The following TLE4 variants were observed in gnomAD, a reference collection of about 807,000 sequenced individuals.
TLE4 encodes TLE family member 4, transcriptional corepressor, also known as transducin-like enhancer protein 4.
A neutral mutation model predicts 92.8 loss-of-function variants in TLE4; 8 were observed. The ratio of observed to expected loss-of-function variants is 0.09; its 90% CI spans 0.05 to 0.16. The LOEUF is 0.16. TLE4 is among the 10% of genes least tolerant of loss of function. The pLI is 1.00. For missense variants in TLE4, 675 were observed against 997.6 expected, an observed-to-expected ratio of 0.68 and a Z score of 4.36; for synonymous variants, 371 against 374.1, an observed-to-expected ratio of 0.99 and a Z score of 0.10.
At chr9:79,622,235 C>T (rs1210683781) in intron 5 of TLE4, among the ~76,000 whole-genome samples, 1 of 152,084 alleles carries the variant, frequency 6.6e-6, no homozygotes, top group Non-Finnish European at 1.5e-5. Flanking sequence ...TTTGTGTGCA[C>T]ACCCTTTCCA....
At chr9:79,599,917 A>G (rs976997250) in intron 4 of TLE4, among the ~76,000 whole-genome samples, 2 of 152,102 alleles carry the variant, frequency 1.3e-5, no homozygotes, top group Admixed American at 6.5e-5. Context: ...TCCTCTTTAT[A>G]TACTTGTATG....
At chr9:79,716,333 C>G (rs542975660) in intron 14 of TLE4, among the ~76,000 whole-genome samples, 2 of 152,334 alleles carry the variant, frequency 1.3e-5, no homozygotes, top group Admixed American at 6.5e-5. Context: ...TTCAGCTCTC[C>G]GCGCATATGC....
In TLE4 at chr9:79,627,718, C is replaced by A. The variant is rs1431402361; in HGVS notation, c.390+270C>A. On this transcript the variant is annotated intron_variant, in intron 6 of 19. Coordinates refer to ENST00000376552, the MANE Select transcript of TLE4 (RefSeq NM_007005.6). ...TTTTCATATTTCTTTGCTTTGCAAT[C>A]AGCTTGTGTTGCTAACCTAGGCCAA... 25 of 404,066 alleles carry A rather than the reference C, an allele frequency of 6.2e-5. No individual in the cohort carries two copies. In the East Asian group the frequency reaches 1.2e-3, roughly 19 times the overall value. 25.0% of individuals were successfully genotyped at this position (404,066 alleles called of 1,614,324 possible).
At chr9:79,586,915 G>GT (rs2041250072) in intron 4 of TLE4, among the ~76,000 whole-genome samples, 1 of 152,084 alleles carries the variant, frequency 6.6e-6, no homozygotes, top group Non-Finnish European at 1.5e-5. Flanking sequence ...TCGGGTAAAT[G>GT]GACTACCCAT....
At chr9:79,666,391 G>A (rs922380384) in intron 8 of TLE4, among the ~76,000 whole-genome samples, 7 of 151,808 alleles carry the variant, frequency 4.6e-5, no homozygotes, top group African/African-American at 1.7e-4. Flanking sequence ...CCACACACCT[G>A]GATAATTTTT....
At chr9:79,625,790 T>G (rs2052465414) in intron 5 of TLE4, among the ~76,000 whole-genome samples, 1 of 151,814 alleles carries the variant, frequency 6.6e-6, no homozygotes, top group Non-Finnish European at 1.5e-5. Flanking sequence ...TTTACTTGCT[T>G]CAGAGAAAGA....
chr9:79,646,086 T>TA (rs201738149), intron 6 of TLE4, among the ~76,000 whole-genome samples: 1,751 of 141,312 alleles, frequency 0.012, 36 homozygotes, highest in African/African-American at 0.045. Flanking sequence ...TATATATATA[T>TA]TTTTTTTAAC....
intron 7 of TLE4, 86 bp from the exon 8 acceptor site, chr9:79,653,973 G>C: frequency 7.1e-7 from 1 of 1,412,066 alleles, no homozygotes; most frequent in South Asian, 1.2e-5. Flanking sequence ...TGATAAATCA[G>C]TATGATTTTA....
intron 8 of TLE4, among the ~76,000 whole-genome samples, chr9:79,682,326 T>C (rs1015100017): frequency 3.3e-5 from 5 of 152,160 alleles, no homozygotes; most frequent in African/African-American, 1.2e-4. Context: ...TTCCAGCCCC[T>C]GTTAGAGTAT....
chr9:79,652,664 G>T lies in TLE4; in HGVS notation c.462G>T (p.Gly154=). ...TACCTCTGACTCCACACCCTTCAGGGCTCCAGCCCCCTGCCATTCCACCCA... is the reference window on the plus strand; with the variant it reads ...TACCTCTGACTCCACACCCTTCAGGTCTCCAGCCCCCTGCCATTCCACCCA... ...LPVPLTPHPS[G]LQPPAIPPIG... is the part of the protein sequence containing the mutation. Residue 154 remains glycine, a synonymous_variant, in exon 7 of 20, where the codon GGG becomes GGT. Transcript: ENST00000376552. 1 of 1,614,152 alleles carries T rather than the reference G, an allele frequency of 6.2e-7. No homozygotes were observed. The highest frequency in any genetic ancestry group is 8.5e-7 in the Non-Finnish European group (1 of 1,180,028).
chr9:79,645,207 A>G (rs1564610834), intron 6 of TLE4, among the ~76,000 whole-genome samples: 1 of 152,110 alleles, frequency 6.6e-6, no homozygotes, highest in Admixed American at 6.5e-5. Context: ...GGCACAAGAT[A>G]TAGCAGGTTC....
intron 16 of TLE4, among the ~76,000 whole-genome samples, chr9:79,720,620 A>C (rs760260757): frequency 6.6e-6 from 1 of 152,148 alleles, no homozygotes; most frequent in African/African-American, 2.4e-5. Context: ...TGACATAATT[A>C]ATGTACATAA....
At chr9:79,622,263 T>G (rs1247113831) in intron 5 of TLE4, among the ~76,000 whole-genome samples, 1 of 152,206 alleles carries the variant, frequency 6.6e-6, no homozygotes, top group Non-Finnish European at 1.5e-5. Flanking sequence ...GTGTTCTTGC[T>G]TATGTGTCTT....
intron 2 of TLE4, 47 bp from the exon 3 acceptor site, chr9:79,574,826 A>G (rs1466859490): frequency 1.3e-6 from 2 of 1,501,976 alleles, no homozygotes; most frequent in Non-Finnish European, 1.9e-6. Context: ...GAGTTGAAGG[A>G]TGTAAGTTAA....
intron 5 of TLE4, among the ~76,000 whole-genome samples, chr9:79,613,021 C>G (rs1481328901): frequency 1.3e-5 from 2 of 151,938 alleles, no homozygotes; most frequent in East Asian, 3.9e-4. Context: ...ATAATGGTAC[C>G]TAATAGGGTA....
chr9:79,576,106 AT>A, intron 3 of TLE4, 26 bp from the exon 4 acceptor site: 1 of 1,442,798 alleles, frequency 6.9e-7, no homozygotes, highest in Non-Finnish European at 9.3e-7. Context: ...AAAGTCATGC[AT>A]TTAATTGCTT....
At chr9:79,681,469 G>A (rs1490262003) in intron 8 of TLE4, among the ~76,000 whole-genome samples, 3 of 152,118 alleles carry the variant, frequency 2.0e-5, no homozygotes, top group Non-Finnish European at 2.9e-5. Flanking sequence ...ATTGGATATA[G>A]GCTCTTTCCT....
At chr9:79,639,817 A>T (rs550944918) in intron 6 of TLE4, among the ~76,000 whole-genome samples, 51 of 152,122 alleles carry the variant, frequency 3.4e-4, no homozygotes, top group Non-Finnish European at 6.2e-4. Context: ...CTATAATTGC[A>T]CAGTAATAAA....
At chr9:79,668,536 T>G (rs2061766158) in intron 8 of TLE4, among the ~76,000 whole-genome samples, 1 of 152,198 alleles carries the variant, frequency 6.6e-6, no homozygotes, top group Non-Finnish European at 1.5e-5. Flanking sequence ...TCACCGTATC[T>G]TGTAACCCTC....
Sources: allele counts gnomAD v4.1 joint callset (sites outside exome capture counted in the v4.1 genomes callset), GRCh38; gene constraint gnomAD v4.1.1; transcripts MANE v1.5; gene names NCBI Gene and HGNC (gene_info 2026-07-23, HGNC 2026-07-21).